ZNF611: variants seen among roughly 807,000 people sequenced by gnomAD.
ZNF611 encodes the protein zinc finger protein 611.
A neutral mutation model predicts 8.9 loss-of-function variants in ZNF611; 6 were observed. The observed-to-expected ratio is 0.68, with a 90% CI of 0.37 to 1.34. The LOEUF is 1.34. Among genes scored for constraint, ZNF611 ranks in the 40% most tolerant of loss-of-function variants. The pLI, the probability that ZNF611 is intolerant of heterozygous loss-of-function variation, is 0.02. For missense variants in ZNF611, 874 were observed against 841.3 expected (o/e 1.04, Z -0.48); for synonymous variants, 262 against 279.7 (o/e 0.94, Z 0.63).
intron 3 of ZNF611, chr19:52,716,204 T>G (rs1426795759): frequency 3.5e-6 from 1 of 289,698 alleles, no homozygotes; most frequent in East Asian, 6.4e-5. Context: ...CCTTCATCAA[T>G]TGCCATCCAG....
chr19:52,721,856 C>G (rs1290186051), intron 3 of ZNF611, among the ~76,000 whole-genome samples: 4 of 152,058 alleles, frequency 2.6e-5, no homozygotes, highest in Non-Finnish European at 5.9e-5. Flanking sequence ...CCTCTGCCTC[C>G]TGGGTTCAAG....
rs1296952260 is a variant in ZNF611, at chr19:52,714,055, C to A, written c.150G>T (p.Arg50Ser). The A allele has an allele frequency of 1.9e-6, 3 of 1,613,986 alleles. No individual in the cohort carries two copies. In the Admixed American group the frequency reaches 5.0e-5, roughly 27 times the overall value. The change falls in exon 5 of 6, where the codon AGG becomes AGT. Residue 50 changes from arginine (R) to serine (S), a missense_variant. By Grantham distance (110) the Arg-to-Ser change is moderately radical. Coordinates refer to ENST00000652185, the MANE Select transcript of ZNF611 (RefSeq NM_001161499.2). ...TCCTGTAGTTCTCCAACATCACTTC[C>A]CTGTACAAAGCCCTCTGTGAAGGGT... The part of the protein sequence containing the change: ...CLNPSQRALY[R>S]EVMLENYRNL...
In ZNF611 at chr19:52,706,436, T is replaced by C. The variant is rs1489431412; in HGVS notation, c.619A>G (p.Asn207Asp). 4 of 1,614,086 alleles carry C rather than the reference T, an allele frequency of 2.5e-6. No individual in the cohort carries two copies. The highest frequency in any genetic ancestry group is 1.3e-5 in the African/African-American group (1 of 74,936). Residue 207 changes from asparagine to aspartate, a missense_variant, in exon 6 of 6, where the codon AAC (asparagine) becomes GAC (aspartate). Physicochemically the swap from Asn to Asp is conservative, Grantham distance 23. Coordinates refer to ENST00000652185, the MANE Select transcript of ZNF611 (RefSeq NM_001161499.2). ...GAATTCAGGGGATTATTCCCATAGT[T>C]ATTAGAAATCTGGGTTTGGGGCCTA... ...SCRPQTQISN[N>D]YGNNPLNSSL...
chr19:52,717,192 T>C (rs2062323191), intron 3 of ZNF611, among the ~76,000 whole-genome samples: 1 of 152,214 alleles, frequency 6.6e-6, no homozygotes, highest in East Asian at 1.9e-4. Context: ...TGATGTCTCA[T>C]GTCTCCATAA....
At chr19:52,731,975 A>C (rs929503305) in intron 1 of ZNF611, among the ~76,000 whole-genome samples, 2 of 148,842 alleles carry the variant, frequency 1.3e-5, no homozygotes, top group African/African-American at 5.0e-5. Context: ...CCCTCTCAAA[A>C]AAAGAAAAAA....
intron 1 of ZNF611, among the ~76,000 whole-genome samples, chr19:52,734,693 C>T (rs1396021210): frequency 6.6e-6 from 1 of 152,230 alleles, no homozygotes; most frequent in Non-Finnish European, 1.5e-5. Flanking sequence ...CAAGAATCCA[C>T]ATCGCGGGTG....
chr19:52,726,266 G>A (rs1383084911), intron 3 of ZNF611, among the ~76,000 whole-genome samples: 1 of 152,128 alleles, frequency 6.6e-6, no homozygotes, highest in East Asian at 1.9e-4. Context: ...CGGGCGTGAG[G>A]CCGGAAGCCT....
At position 52,706,255 on chromosome 19, in the gene ZNF611, A is replaced by G. The variant is rs2062243696; in HGVS notation, c.800T>C (p.Leu267Pro). The change falls in exon 6 of 6, where the codon CTC becomes CCC. Residue 267 changes from leucine to proline, a missense_variant. By Grantham distance (98) the Leu-to-Pro change is moderately conservative. Transcript: ENST00000652185. ...TGCAAGGTATTGCTCGTGATTAAAG[A>G]GCTTGCCACATACATCACATTTATA... is the stretch of plus-strand genomic sequence containing the variant. ...KQYKCDVCGK[L>P]FNHEQYLACH... The G allele has an allele frequency of 4.3e-6, 7 of 1,614,174 alleles. No homozygotes were observed. Among genetic ancestry groups the G allele is most frequent in the Non-Finnish European group, 5.9e-6 (7 of 1,180,016 alleles).
At chr19:52,715,293 A>G (rs1166584059) in intron 4 of ZNF611, among the ~76,000 whole-genome samples, 1 of 152,048 alleles carries the variant, frequency 6.6e-6, no homozygotes, top group East Asian at 1.9e-4. Flanking sequence ...CTTCTCTACT[A>G]AAAGTACAAA....
Position 52,732,495 on chromosome 19 carries a change from TGA to T in ZNF611, c.-221-2492_-221-2491del, listed in dbSNP as rs971492286. ...AGTTATTCAGAATAACTCACAGTAT[TGA>T]GTTATTCAGAATAACTCACAGTATT... On this transcript the variant is annotated intron_variant, in intron 1 of 5. Coordinates refer to ENST00000652185, the MANE Select transcript of ZNF611 (RefSeq NM_001161499.2). 4.2e-3 allele frequency among the ~76,000 whole-genome samples: 344 copies of T among 82,720 alleles called. 80 individuals are homozygous for T. Among genetic ancestry groups the T allele is most frequent in the Non-Finnish European group, 6.1e-3 (270 of 44,230 alleles). 54.3% of individuals were successfully genotyped at this position (82,720 alleles called of 152,430 possible). A position where few individuals can be genotyped will look rare whatever the true frequency, so the allele number is the denominator to read the frequency against.
In ZNF611 at chr19:52,705,168, A is replaced by C. The variant is rs770718579; in HGVS notation, c.1887T>G (p.Asn629Lys). The C allele has an allele frequency of 3.1e-6, 5 of 1,613,222 alleles. No homozygotes were observed. The highest frequency in any genetic ancestry group is 2.2e-5 in the South Asian group (2 of 91,038). ...EKPYKCNECGNTFRHCSSLIY... is the reference protein window; with the variant it reads ...EKPYKCNECGKTFRHCSSLIY... Reference sequence around the variant, plus strand: ...TAAGGGATGAGCAGTGACGGAAGGTATTGCCACACTCATTACACTTGTAAG... The same window carrying C: ...TAAGGGATGAGCAGTGACGGAAGGTCTTGCCACACTCATTACACTTGTAAG... Residue 629 changes from asparagine to lysine, a missense_variant, in exon 6 of 6, where the codon AAT (asparagine) becomes AAG (lysine). Transcript: ENST00000652185.
rs144401512 is a variant in ZNF611 at position 52,731,211 on chromosome 19, C to T, written c.-221-1206G>A. Reference sequence around the variant, plus strand: ...CCTCCAGAGTAGCTGAAATTAGAGGCGTGTGCCACCACGCTCAGCTAATTT... The same window carrying T: ...CCTCCAGAGTAGCTGAAATTAGAGGTGTGTGCCACCACGCTCAGCTAATTT... On this transcript the variant is annotated intron_variant, in intron 1 of 5. Coordinates refer to ENST00000652185, the MANE Select transcript of ZNF611 (RefSeq NM_001161499.2). Among the ~76,000 whole-genome samples, 364 of 152,174 alleles carry T rather than the reference C, an allele frequency of 2.4e-3. 3 individuals carry two copies. Among genetic ancestry groups the T allele is most frequent in the African/African-American group, 8.3e-3 (344 of 41,512 alleles).
chr19:52,705,245 T>G lies in ZNF611; in HGVS notation c.1810A>C (p.Ser604Arg). The part of the protein sequence containing the change: ...YKCNECSKTF[S>R]RRSSLHCHRR... Reference sequence around the variant, plus strand: ...TGGCAATGAAGGGATGACCTGCGACTGAAGGTCTTGCTGCACTCATTACAC... The same window carrying G: ...TGGCAATGAAGGGATGACCTGCGACGGAAGGTCTTGCTGCACTCATTACAC... Residue 604 changes from serine to arginine, a missense_variant, in exon 6 of 6, where the codon AGT becomes CGT. Coordinates refer to ENST00000652185, the MANE Select transcript of ZNF611 (RefSeq NM_001161499.2). 6 of 1,614,078 alleles carry G rather than the reference T, an allele frequency of 3.7e-6. No homozygotes were observed. Among genetic ancestry groups the G allele is most frequent in the Non-Finnish European group, 4.2e-6 (5 of 1,180,000 alleles).
At chr19:52,712,781 C>G (rs371734785) in intron 5 of ZNF611, among the ~76,000 whole-genome samples, 5 of 152,308 alleles carry the variant, frequency 3.3e-5, no homozygotes, top group East Asian at 1.9e-4. Flanking sequence ...CGACTTCACC[C>G]AGCTGACATT....
chr19:52,715,291 C>A (rs2062308861), intron 4 of ZNF611, among the ~76,000 whole-genome samples: 1 of 151,984 alleles, frequency 6.6e-6, no homozygotes, highest in Non-Finnish European at 1.5e-5. Flanking sequence ...CCCTTCTCTA[C>A]TAAAAGTACA....
intron 3 of ZNF611, chr19:52,716,179 A>G (rs1249007024): frequency 1.1e-5 from 4 of 380,846 alleles, no homozygotes; most frequent in Non-Finnish European, 1.9e-5. Context: ...TCTCCCCTTC[A>G]GGGCACAGAC....
In ZNF611 at chr19:52,704,623, T is replaced by C. The variant is rs763496072; in HGVS notation, c.*314A>G. The C allele has an allele frequency of 5.1e-5, 81 of 1,585,426 alleles. No homozygotes were observed. The highest frequency in any genetic ancestry group is 6.8e-5 in the Non-Finnish European group (78 of 1,155,496). The stretch of plus-strand genomic sequence containing the variant: ...ACACTTGTAAGATCTCTCTTCATTA[T>C]GGATTCTCCAATGATTTGTAATCGT... On this transcript the variant is annotated 3_prime_UTR_variant, in exon 6 of 6. Transcript: ENST00000652185.
chr19:52,732,126 T>C (rs62117391), intron 1 of ZNF611, among the ~76,000 whole-genome samples: 11,275 of 150,412 alleles, frequency 0.075, 892 homozygotes, highest in African/African-American at 0.19. Context: ...AAAAATTAGC[T>C]GGTAGTGGTG....
chr19:52,703,432 C>T lies in ZNF611; in HGVS notation c.*1505G>A, dbSNP rs1226998841. The T allele has an allele frequency of 2.6e-5, 4 of 152,062 alleles. No homozygotes were observed. Among genetic ancestry groups the T allele is most frequent in the Non-Finnish European group, 5.9e-5 (4 of 68,032 alleles). The allele number at this position is 152,062 out of a possible 1,614,324, so 9.4% of individuals were successfully genotyped here. A position where few individuals can be genotyped will look rare whatever the true frequency, so the allele number is the denominator to read the frequency against. ...AAGTAGCTGGAACTAAAGGTGCACA[C>T]CAACACCCCCGGCTAACTTTTGTAT... is the stretch of plus-strand genomic sequence containing the variant. On this transcript the variant is annotated 3_prime_UTR_variant, in exon 6 of 6. Coordinates refer to ENST00000652185, the MANE Select transcript of ZNF611 (RefSeq NM_001161499.2).
Sources: allele counts gnomAD v4.1 joint callset (sites outside exome capture counted in the v4.1 genomes callset), GRCh38; gene constraint gnomAD v4.1.1; transcripts MANE v1.5; gene names NCBI Gene and HGNC (gene_info 2026-07-23, HGNC 2026-07-21).